CLEC12B: variants seen among roughly 807,000 people sequenced by gnomAD.
CLEC12B encodes the protein C-type lectin domain family 12 member B, also known as macrophage antigen h.
A neutral mutation model predicts 36.1 loss-of-function variants in CLEC12B; 25 were observed. That is an observed-to-expected ratio of 0.69 (90% CI 0.50 to 0.97). The LOEUF (loss-of-function observed/expected upper bound fraction) is 0.97, where lower values mean the gene tolerates loss of function less well. Ranked by LOEUF, CLEC12B falls within the 50% of genes least tolerant of loss-of-function variation. The probability of loss-of-function intolerance (pLI) is 0.00; values close to 1 mark genes in which losing one functional copy is unlikely to be tolerated. For missense variants in CLEC12B, 325 were observed against 318.4 expected, an observed-to-expected ratio of 1.02 and a Z score of -0.16; for synonymous variants, 110 against 108.5, an observed-to-expected ratio of 1.01 and a Z score of -0.09.
chr12:10,010,778 T>TA lies in CLEC12B; in HGVS notation c.20dup (p.Tyr7Ter). MSEEVT[Y>*]ATLTFQDSAG... ...TTCTACAATGTCTGAAGAAGTGACC[T>TA]ACGCGACACTCACATTTCAGGATTC... The change falls in exon 1 of 6, where the codon TAC (tyrosine) becomes TAAC (stop). Residue 7 changes from tyrosine to a stop codon, truncating the protein, a stop_gained and frameshift_variant. Coordinates refer to ENST00000338896, the MANE Select transcript of CLEC12B (RefSeq NM_001129998.3). LOFTEE classifies it high-confidence loss of function. 6.2e-7 allele frequency: 1 copy of TA among 1,605,564 alleles called. No homozygotes were observed.
chr12:10,009,391 T>A (rs1015093135), upstream of CLEC12B, among the ~76,000 whole-genome samples: 1 of 152,188 alleles, frequency 6.6e-6, no homozygotes, highest in East Asian at 1.9e-4. Context: ...ATTTTTGTAA[T>A]CATCTATTTA....
intron 2 of CLEC12B, 113 bp downstream of exon 2, chr12:10,012,996 T>G: frequency 1.3e-6 from 1 of 758,392 alleles, no homozygotes; most frequent in Non-Finnish European, 2.3e-6. Flanking sequence ...TCTGATACTT[T>G]TCTGCTGTCT....
intron 5 of CLEC12B, chr12:10,016,085 A>G (rs779602955): frequency 2.2e-5 from 15 of 689,434 alleles, no homozygotes; most frequent in Admixed American, 5.6e-5. Context: ...GAGGTCACTC[A>G]GCTCATAAAT....
Position 10,010,823 on chromosome 12 carries a change from C to T in CLEC12B, c.64C>T (p.Arg22Ter), listed in dbSNP as rs145803876. The T allele has an allele frequency of 5.9e-5, 95 of 1,611,260 alleles. 1 individual carries two copies. In the East Asian group the frequency reaches 9.1e-4, roughly 16 times the overall value. ...FQDSAGARNNRDGNNLRKRGH... is the reference protein window; with the variant it reads ...FQDSAGARNN Reference sequence around the variant, plus strand: ...GGATTCTGCTGGAGCAAGGAATAACCGAGATGGAAATAACCTAAGAAAAAG... The same window carrying T: ...GGATTCTGCTGGAGCAAGGAATAACTGAGATGGAAATAACCTAAGAAAAAG... The change falls in exon 1 of 6, where the codon CGA (arginine) becomes TGA (stop). Residue 22 changes from arginine to a stop codon, truncating the protein, a stop_gained. Coordinates refer to ENST00000338896, the MANE Select transcript of CLEC12B (RefSeq NM_001129998.3). LOFTEE classifies it high-confidence loss of function.
At chr12:10,013,122 C>T (rs867432641) in intron 2 of CLEC12B, 1 of 490,068 alleles carries the variant, frequency 2.0e-6, no homozygotes, top group East Asian at 4.0e-5. Flanking sequence ...GACAAAGACT[C>T]TTTGTTTCCA....
At chr12:10,012,558 A>T (rs913651407) in intron 1 of CLEC12B, among the ~76,000 whole-genome samples, 1 of 152,034 alleles carries the variant, frequency 6.6e-6, no homozygotes, top group Non-Finnish European at 1.5e-5. Flanking sequence ...CCCCTCCCCC[A>T]ACGAAGCTTC....
At chr12:10,010,286 G>T (rs1446375825), upstream of CLEC12B, among the ~76,000 whole-genome samples, 1 of 151,452 alleles carries the variant, frequency 6.6e-6, no homozygotes, top group East Asian at 1.9e-4. Context: ...AGCTCTTTCT[G>T]TCTTAATGTG....
chr12:10,007,642 G>C (rs510630), upstream of CLEC12B, among the ~76,000 whole-genome samples: 14,162 of 152,250 alleles, frequency 0.093, 847 homozygotes, highest in South Asian at 0.33. Context: ...AATCTTTTAG[G>C]AGATTTGCAG....
Position 10,018,552 on chromosome 12 carries a change from C to A in CLEC12B, c.*71C>A. ...GCTCATATGAGGAAAGAGGAAACTA[C>A]GGTACCAGAGCCAAACCAGCTTTTA... On this transcript the variant is annotated 3_prime_UTR_variant, in exon 6 of 6. Coordinates refer to ENST00000338896, the MANE Select transcript of CLEC12B (RefSeq NM_001129998.3). 7.6e-7 allele frequency: 1 copy of A among 1,324,268 alleles called. No homozygotes were observed. The highest frequency in any genetic ancestry group is 1.0e-6 in the Non-Finnish European group (1 of 965,710). 82.0% of individuals were successfully genotyped at this position (1,324,268 alleles called of 1,614,324 possible). A position where few individuals can be genotyped will look rare whatever the true frequency, so the allele number is the denominator to read the frequency against.
chr12:10,017,743 G>C (rs1052999045), intron 5 of CLEC12B: 15 of 872,866 alleles, frequency 1.7e-5, no homozygotes, highest in Non-Finnish European at 5.5e-6. Context: ...ATTTAGATCT[G>C]ACAAGTATAA....
intron 5 of CLEC12B, chr12:10,016,123 A>C: frequency 3.5e-6 from 1 of 282,240 alleles, no homozygotes; most frequent in Non-Finnish European, 5.4e-6. Flanking sequence ...GCACTCAGTC[A>C]CTCAGCTATT....
chr12:10,015,334 C>G lies in CLEC12B; in HGVS notation c.492C>G (p.Thr164=). 6.2e-7 allele frequency: 1 copy of G among 1,613,312 alleles called. No individual in the cohort carries two copies. Among genetic ancestry groups the G allele is most frequent in the Non-Finnish European group, 8.5e-7 (1 of 1,179,540 alleles). The change falls in exon 4 of 6, where the codon ACC becomes ACG. Residue 164 remains threonine (T), a synonymous_variant. Coordinates refer to ENST00000338896, the MANE Select transcript of CLEC12B (RefSeq NM_001129998.3). ...CYYFTTNEEK[T]WANSRKDCID... is the part of the protein sequence containing the mutation. ...ATTTTACAACAAATGAGGAGAAAACCTGGGCTAACAGTAGAAAGGACTGCA... is the reference window on the plus strand; with the variant it reads ...ATTTTACAACAAATGAGGAGAAAACGTGGGCTAACAGTAGAAAGGACTGCA...
Position 10,015,516 on chromosome 12 carries a change from TTAA to T in CLEC12B, c.565-93_565-91del, listed in dbSNP as rs896452591. The T allele has an allele frequency of 9.6e-6, 15 of 1,567,882 alleles. No individual in the cohort carries two copies. The African/African-American group carries it at 2.0e-4, about 21-fold the overall frequency. ...AAATTCAGTGCATCTTGAATTAGAA[TTAA>T]TACATGAATTTAATGAATGTCCTCA... On this transcript the variant is annotated intron_variant, in intron 4 of 5. Transcript: ENST00000338896.
chr12:10,014,380 C>A, intron 2 of CLEC12B, 143 bp from the exon 3 acceptor site: 3 of 546,994 alleles, frequency 5.5e-6, no homozygotes, highest in Non-Finnish European at 6.5e-6. Context: ...AGAAAGGCAT[C>A]TGGTTTGTTT....
rs142709935 is a variant in CLEC12B, at chr12:10,017,308, G to C, written c.681-1023G>C. ...CTTTTTTGTGACAAGAGCAATATTG[G>C]GTATGAACTGATTAATATTAATCTG... On this transcript the variant is annotated intron_variant, in intron 5 of 5. Transcript: ENST00000338896. The C allele has an allele frequency of 8.8e-4, 863 of 985,252 alleles. 6 individuals carry two copies. The African/African-American group carries it at 0.014, about 16-fold the overall frequency. 61.0% of individuals were successfully genotyped at this position (985,252 alleles called of 1,614,324 possible). A position where few individuals can be genotyped will look rare whatever the true frequency, so the allele number is the denominator to read the frequency against.
intron 2 of CLEC12B, among the ~76,000 whole-genome samples, chr12:10,014,179 C>A (rs777691926): frequency 1.1e-4 from 17 of 152,058 alleles, no homozygotes; most frequent in Non-Finnish European, 1.8e-4. Context: ...TTCATTAAAA[C>A]AACAATTACA....
At chr12:10,014,492 A>G (rs1865424626) in intron 2 of CLEC12B, 31 bp from the exon 3 acceptor site, 2 of 1,449,512 alleles carry the variant, frequency 1.4e-6, no homozygotes, top group Non-Finnish European at 1.9e-6. Context: ...ATAGAAGAAT[A>G]TATGAACTTG....
intron 1 of CLEC12B, among the ~76,000 whole-genome samples, chr12:10,012,056 C>T (rs542402674): frequency 9.9e-5 from 15 of 152,162 alleles, no homozygotes; most frequent in Non-Finnish European, 1.9e-4. Context: ...AGGATGCTAA[C>T]GGCTTTCTGG....
At chr12:10,006,928 G>C (rs999485718), upstream of CLEC12B, among the ~76,000 whole-genome samples, 2 of 151,940 alleles carry the variant, frequency 1.3e-5, no homozygotes, top group African/African-American at 4.8e-5. Context: ...GGTGGCAGGC[G>C]CCTGTAGTCC....
Sources: gnomAD v4.1 joint callset for allele counts (sites outside exome capture counted in the v4.1 genomes callset) on GRCh38, gnomAD v4.1.1 for gene constraint, MANE v1.5 for transcripts, NCBI Gene and HGNC (gene_info 2026-07-23, HGNC 2026-07-21) for gene names.